The following TMEM132C variants were observed in gnomAD, a reference collection of about 807,000 sequenced individuals.
The protein encoded by TMEM132C is transmembrane protein 132C.
Under a neutral mutation model 61.4 loss-of-function variants are expected in TMEM132C, and 29 were observed. The ratio of observed to expected loss-of-function variants is 0.47; its 90% CI spans 0.35 to 0.64. The LOEUF is 0.64. TMEM132C is among the 30% of genes least tolerant of loss of function. The pLI is 0.00. For synonymous variants in TMEM132C, 656 were observed against 633.1 expected (o/e 1.04, Z -0.54); for missense variants, 1,408 against 1,476.9 (o/e 0.95, Z 0.76).
At chr12:128,399,108 G>A (rs1018888588) in intron 1 of TMEM132C, among the ~76,000 whole-genome samples, 1 of 152,048 alleles carries the variant, frequency 6.6e-6, no homozygotes, top group Non-Finnish European at 1.5e-5. Flanking sequence ...CTAAATGCTG[G>A]TATAACCAAA....
chr12:128,335,018 AT>A (rs1467818868), intron 1 of TMEM132C, among the ~76,000 whole-genome samples: 3 of 152,170 alleles, frequency 2.0e-5, no homozygotes, highest in Admixed American at 6.5e-5. Flanking sequence ...TTCCATGTTG[AT>A]TTTTTTTAAG....
intron 3 of TMEM132C, among the ~76,000 whole-genome samples, chr12:128,588,507 G>A (rs771397598): frequency 2.0e-5 from 3 of 152,114 alleles, no homozygotes; most frequent in Non-Finnish European, 4.4e-5. Context: ...TCTTTTGTAC[G>A]TAGTTGGAGT....
At chr12:128,471,996 G>A (rs979128885) in intron 2 of TMEM132C, among the ~76,000 whole-genome samples, 1 of 152,138 alleles carries the variant, frequency 6.6e-6, no homozygotes, top group Non-Finnish European at 1.5e-5. Context: ...AACCGCACTG[G>A]CTGGCTGTAG....
At chr12:128,533,000 G>A (rs1021071983) in intron 2 of TMEM132C, among the ~76,000 whole-genome samples, 3 of 152,112 alleles carry the variant, frequency 2.0e-5, no homozygotes, top group Non-Finnish European at 4.4e-5. Context: ...CAGCTTTGTA[G>A]GGCTGCTGTC....
intron 2 of TMEM132C, among the ~76,000 whole-genome samples, chr12:128,468,669 A>G (rs181387967): frequency 6.6e-4 from 100 of 152,364 alleles, no homozygotes; most frequent in Admixed American, 2.5e-3. Flanking sequence ...CTGACTGCCA[A>G]GGTGGAGAAT....
intron 4 of TMEM132C, 50 bp downstream of exon 4, chr12:128,616,385 A>C (rs1565992711): frequency 1.3e-6 from 2 of 1,494,644 alleles, no homozygotes. Context: ...ACCTGACTGC[A>C]TCCTGTGTCC....
chr12:128,697,516 A>G lies in TMEM132C; in HGVS notation c.2121+101A>G, dbSNP rs936612071. ...GAGTGAGAAATGGGGGCAGGTTAGCAGAACCATGTTCCACAATGGAAGCCA... is the reference window on the plus strand; with the variant it reads ...GAGTGAGAAATGGGGGCAGGTTAGCGGAACCATGTTCCACAATGGAAGCCA... On this transcript the variant is annotated intron_variant, in intron 8 of 8. Coordinates refer to ENST00000435159, the MANE Select transcript of TMEM132C (RefSeq NM_001136103.3). 37 of 1,246,812 alleles carry G rather than the reference A, an allele frequency of 3.0e-5. No homozygotes were observed. The African/African-American group carries it at 5.6e-4, about 19-fold the overall frequency. The allele number at this position is 1,246,812 out of a possible 1,614,324, so 77.2% of individuals were successfully genotyped here. A position where few individuals can be genotyped will look rare whatever the true frequency, so the allele number is the denominator to read the frequency against.
intron 2 of TMEM132C, among the ~76,000 whole-genome samples, chr12:128,488,897 A>T (rs1041322313): frequency 7.9e-5 from 12 of 151,900 alleles, no homozygotes; most frequent in Admixed American, 5.9e-4. Context: ...TATAAATAAA[A>T]TTTTCTCTTT....
chr12:128,590,773 C>T (rs1180554965), intron 3 of TMEM132C, among the ~76,000 whole-genome samples: 2 of 152,076 alleles, frequency 1.3e-5, no homozygotes, highest in Non-Finnish European at 2.9e-5. Context: ...GACATATGTT[C>T]TTCAGCCTTG....
chr12:128,597,841 G>T (rs6486702), intron 3 of TMEM132C, among the ~76,000 whole-genome samples: 9 of 152,178 alleles, frequency 5.9e-5, no homozygotes, highest in Admixed American at 1.3e-4. Context: ...AAGTGTTTGA[G>T]GGTGTTGACT....
chr12:128,600,348 T>G (rs1236489973), intron 3 of TMEM132C, among the ~76,000 whole-genome samples: 3 of 152,196 alleles, frequency 2.0e-5, no homozygotes, highest in African/African-American at 7.2e-5. Context: ...GCTGCTGCCA[T>G]GTGAAGGACA....
At chr12:128,572,795 C>CCACTTCTTGAAG (rs1187875007) in intron 3 of TMEM132C, among the ~76,000 whole-genome samples, 1 of 152,262 alleles carries the variant, frequency 6.6e-6, no homozygotes, top group African/African-American at 2.4e-5. Flanking sequence ...TTGGCCAGGC[C>CCACTTCTTGAAG]TGGGTCACAT....
chr12:128,414,647 A>G (rs1281328981), intron 1 of TMEM132C, 85 bp from the exon 2 acceptor site: 1 of 1,373,722 alleles, frequency 7.3e-7, no homozygotes, highest in African/African-American at 1.5e-5. Flanking sequence ...TCATTTCTAA[A>G]TGGCTTACAG....
At chr12:128,615,460 T>C (rs1413789213) in intron 3 of TMEM132C, among the ~76,000 whole-genome samples, 2 of 152,180 alleles carry the variant, frequency 1.3e-5, no homozygotes, top group East Asian at 3.8e-4. Context: ...TGAGTTTGTT[T>C]TCCTGCAACT....
chr12:128,625,328 G>C (rs1266184028), intron 4 of TMEM132C, among the ~76,000 whole-genome samples: 3 of 152,180 alleles, frequency 2.0e-5, no homozygotes. Flanking sequence ...TTGCCTCCTG[G>C]TGCATAGACA....
chr12:128,329,702 G>A (rs1236372894), intron 1 of TMEM132C, among the ~76,000 whole-genome samples: 1 of 152,174 alleles, frequency 6.6e-6, no homozygotes, highest in Non-Finnish European at 1.5e-5. Context: ...GCCTTGGCTA[G>A]TCAGCTTTGT....
intron 2 of TMEM132C, among the ~76,000 whole-genome samples, chr12:128,515,670 A>G (rs1022864846): frequency 6.6e-6 from 1 of 152,084 alleles, no homozygotes; most frequent in Non-Finnish European, 1.5e-5. Context: ...CGTCTCTACT[A>G]AAAATACAAA....
intron 4 of TMEM132C, among the ~76,000 whole-genome samples, chr12:128,648,671 TG>T: frequency 1.3e-5 from 2 of 151,670 alleles, no homozygotes; most frequent in Non-Finnish European, 2.9e-5. Context: ...GTGTGTTTAC[TG>T]GAGTCCATCA....
intron 2 of TMEM132C, among the ~76,000 whole-genome samples, chr12:128,538,154 CT>C (rs1224595296): frequency 3.3e-5 from 5 of 151,828 alleles, no homozygotes; most frequent in African/African-American, 4.8e-5. Flanking sequence ...GAGTCTCGTT[CT>C]TGTTGCCCAG....
Sources: allele counts gnomAD v4.1 joint callset (sites outside exome capture counted in the v4.1 genomes callset), GRCh38; gene constraint gnomAD v4.1.1; transcripts MANE v1.5; gene names NCBI Gene and HGNC (gene_info 2026-07-23, HGNC 2026-07-21).